RAP1GAP: variants seen among roughly 807,000 people sequenced by gnomAD.
RAP1GAP encodes rap1 GTPase-activating protein 1.
In RAP1GAP, 35 loss-of-function variants were observed where a neutral mutation model predicts 87.2. The observed-to-expected ratio is 0.40, with a 90% CI of 0.31 to 0.53. The LOEUF is 0.53. RAP1GAP is among the 20% of genes least tolerant of loss of function. The probability of loss-of-function intolerance (pLI) is 0.48; values close to 1 mark genes in which losing one functional copy is unlikely to be tolerated. For missense variants in RAP1GAP, 734 were observed against 898.9 expected (o/e 0.82, Z 2.35); for synonymous variants, 375 against 363.9 (o/e 1.03, Z -0.35).
At chr1:21,640,665 GTTCCC>G (rs2095433113) in intron 2 of RAP1GAP, among the ~76,000 whole-genome samples, 1 of 152,178 alleles carries the variant, frequency 6.6e-6, no homozygotes, top group Non-Finnish European at 1.5e-5. Flanking sequence ...ACAAGCAGCA[GTTCCC>G]TTACCCCCGA....
chr1:21,627,454 C>T (rs2092598273), intron 2 of RAP1GAP, among the ~76,000 whole-genome samples: 1 of 139,332 alleles, frequency 7.2e-6, no homozygotes, highest in South Asian at 2.3e-4. Flanking sequence ...CGCTCTTATT[C>T]CCCAGGCTGG....
At chr1:21,651,626 C>T in intron 1 of RAP1GAP, 2 of 772,570 alleles carry the variant, frequency 2.6e-6, no homozygotes, top group South Asian at 1.4e-5. Flanking sequence ...GCACGACAGC[C>T]ATGCGCGCAC....
chr1:21,612,078 T>G lies in RAP1GAP; in HGVS notation c.560A>C (p.His187Pro). The G allele has an allele frequency of 6.4e-7, 1 of 1,553,812 alleles. No homozygotes were observed. The highest frequency in any genetic ancestry group is 8.7e-7 in the Non-Finnish European group (1 of 1,148,004). Residue 187 changes from histidine (H) to proline (P), a missense_variant, in exon 11 of 25, where the codon CAT becomes CCT. His to Pro is a moderately conservative substitution (Grantham distance 77). Coordinates refer to ENST00000374765, the MANE Select transcript of RAP1GAP (RefSeq NM_002885.4). ...ASRLIVTFDE[H>P]VISNNFKFGV... is the part of the protein sequence containing the mutation. ...AAACTTGAAGTTATTGCTGATGACA[T>G]GCTCGTCAAAGGTGACGATGAGCCG...
chr1:21,658,469 G>T (rs947887388), intron 1 of RAP1GAP, among the ~76,000 whole-genome samples: 1 of 152,164 alleles, frequency 6.6e-6, no homozygotes. Context: ...TCAGGAGGCT[G>T]AGACAGGAGA....
At chr1:21,619,951 G>GC in intron 4 of RAP1GAP, 64 bp downstream of exon 4, 1 of 1,551,294 alleles carries the variant, frequency 6.4e-7, no homozygotes, top group South Asian at 1.1e-5. Flanking sequence ...TGCAGCAAGG[G>GC]CCCCCCAGCC....
At chr1:21,621,871 T>C (rs1416324833) in intron 3 of RAP1GAP, among the ~76,000 whole-genome samples, 3 of 152,146 alleles carry the variant, frequency 2.0e-5, no homozygotes, top group Admixed American at 2.0e-4. Flanking sequence ...TGACACATGG[T>C]CCTGTCACCC....
Position 21,609,589 on chromosome 1 carries a change from C to T in RAP1GAP, c.1057G>A (p.Ala353Thr), listed in dbSNP as rs750835330. The T allele has an allele frequency of 5.1e-6, 8 of 1,569,192 alleles. No individual in the cohort carries two copies. Among genetic ancestry groups the T allele is most frequent in the Admixed American group, 1.8e-5 (1 of 55,872 alleles). Residue 353 changes from alanine (A) to threonine (T), a missense_variant, in exon 15 of 25, where the codon GCT (alanine) becomes ACT (threonine). Ala to Thr is a moderately conservative substitution (Grantham distance 58). Transcript: ENST00000374765. The surrounding 1 kb of genome is among the most constrained non-coding windows in gnomAD (Gnocchi z 4.4). Reference protein sequence around the residue: ...PFFGPPLPDPAVFRKGPEFQE... With the variant: ...PFFGPPLPDPTVFRKGPEFQE... Reference sequence around the variant, plus strand: ...GTGCCCCTCACCTTCCTGAACACAGCGGGGTCCGGGAGGGGGGGTCCAAAG... The same window carrying T: ...GTGCCCCTCACCTTCCTGAACACAGTGGGGTCCGGGAGGGGGGGTCCAAAG...
intron 20 of RAP1GAP, among the ~76,000 whole-genome samples, chr1:21,600,775 C>T (rs1244561712): frequency 1.3e-5 from 2 of 150,136 alleles, no homozygotes; most frequent in Non-Finnish European, 3.0e-5. Flanking sequence ...GTCCCAGCTA[C>T]TTGGGGGGCT....
intron 2 of RAP1GAP, chr1:21,626,951 C>G (rs2092365361): frequency 2.2e-6 from 1 of 456,624 alleles, no homozygotes; most frequent in Non-Finnish European, 4.4e-6. Flanking sequence ...ACAGACAGGA[C>G]CCAGCTGTGC....
At chr1:21,664,516 C>T (rs549846874) in intron 1 of RAP1GAP, among the ~76,000 whole-genome samples, 10 of 152,320 alleles carry the variant, frequency 6.6e-5, no homozygotes, top group Middle Eastern at 3.4e-3. Flanking sequence ...CCCTTGCCCA[C>T]GCCGTAGCTG....
chr1:21,598,137 GCGGT>G, intron 22 of RAP1GAP, 73 bp from the exon 23 acceptor site: 1 of 1,038,390 alleles, frequency 9.6e-7, no homozygotes, highest in Non-Finnish European at 1.4e-6. Context: ...GCATAGGTGG[GCGGT>G]CGGCACCAGT....
Position 21,617,978 on chromosome 1 carries a change from A to G in RAP1GAP, c.67-6T>C, listed in dbSNP as rs2083413975. ...GGAATGTAGTCCTCCTCTGTCTGCA[A>G]AACACAAACAGGGCAAGGGTCTCTC... On this transcript the variant is annotated splice_polypyrimidine_tract_variant and splice_region_variant and intron_variant, in intron 5 of 24. Transcript: ENST00000374765. The G allele has an allele frequency of 6.2e-7, 1 of 1,614,102 alleles. No homozygotes were observed. Among genetic ancestry groups the G allele is most frequent in the Non-Finnish European group, 8.5e-7 (1 of 1,180,010 alleles).
chr1:21,644,619 G>A (rs187922683), intron 2 of RAP1GAP, among the ~76,000 whole-genome samples: 1 of 152,166 alleles, frequency 6.6e-6, no homozygotes, highest in South Asian at 2.1e-4. Flanking sequence ...AGTGGACCTG[G>A]CCGGGCGCGG....
intron 16 of RAP1GAP, 129 bp from the exon 17 acceptor site, chr1:21,608,479 G>A (rs2149191511): frequency 2.3e-6 from 3 of 1,291,334 alleles, no homozygotes; most frequent in Non-Finnish European, 3.1e-6. Flanking sequence ...GGAGGGCGGA[G>A]GGCTCCTGCA....
At chr1:21,624,402 G>A (rs1558746791) in intron 3 of RAP1GAP, among the ~76,000 whole-genome samples, 2 of 152,232 alleles carry the variant, frequency 1.3e-5, no homozygotes, top group South Asian at 2.1e-4. Context: ...TTACAGATGA[G>A]GAACCTGAGG....
intron 2 of RAP1GAP, among the ~76,000 whole-genome samples, chr1:21,628,261 G>C (rs1239305944): frequency 6.6e-6 from 1 of 151,954 alleles, no homozygotes; most frequent in Non-Finnish European, 1.5e-5. Context: ...CATAGAAATA[G>C]TTACCGGCAG....
Position 21,613,950 on chromosome 1 carries a change from C to A in RAP1GAP, c.395+36G>T. The A allele has an allele frequency of 6.8e-7, 1 of 1,481,072 alleles. No homozygotes were observed. The highest frequency in any genetic ancestry group is 9.3e-7 in the Non-Finnish European group (1 of 1,070,908). 91.7% of individuals were successfully genotyped at this position (1,481,072 alleles called of 1,614,324 possible). Reference sequence around the variant, plus strand: ...GCTCTGAGATTGTAAGACCTCAGCCCTTCCTGCCATCTCAGGACTCCCCCA... The same window carrying A: ...GCTCTGAGATTGTAAGACCTCAGCCATTCCTGCCATCTCAGGACTCCCCCA... On this transcript the variant is annotated intron_variant, in intron 8 of 24. Coordinates refer to ENST00000374765, the MANE Select transcript of RAP1GAP (RefSeq NM_002885.4). This position sits in a 1 kb window ranked among gnomAD's most constrained non-coding sequence, Gnocchi z 4.7.
At chr1:21,639,156 C>G (rs1260867061) in intron 2 of RAP1GAP, among the ~76,000 whole-genome samples, 1 of 152,250 alleles carries the variant, frequency 6.6e-6, no homozygotes, top group Non-Finnish European at 1.5e-5. Flanking sequence ...AATGTAGGCT[C>G]TGCTCCTAGC....
chr1:21,636,599 G>A (rs989620959), intron 2 of RAP1GAP, among the ~76,000 whole-genome samples: 1 of 152,088 alleles, frequency 6.6e-6, no homozygotes, highest in Non-Finnish European at 1.5e-5. Flanking sequence ...CTGAGGTCGG[G>A]AGTTTGAGAC....
Sources: allele counts gnomAD v4.1 joint callset (sites outside exome capture counted in the v4.1 genomes callset), GRCh38; gene constraint gnomAD v4.1.1; non-coding constraint Gnocchi (gnomAD v3.1); transcripts MANE v1.5; gene names NCBI Gene and HGNC (gene_info 2026-07-23, HGNC 2026-07-21).